The following NFIC variants were observed in gnomAD, a reference collection of about 807,000 sequenced individuals.
NFIC encodes the protein nuclear factor 1 C-type.
NFIC carries 12 observed loss-of-function variants against 54.4 expected under a neutral mutation model. That is an observed-to-expected ratio of 0.22 (90% CI 0.14 to 0.36). NFIC has a LOEUF of 0.36. NFIC is among the 10% of genes least tolerant of loss of function. The probability of loss-of-function intolerance (pLI) is 1.00; values close to 1 mark genes in which losing one functional copy is unlikely to be tolerated. For synonymous variants in NFIC, 322 were observed against 319.2 expected (o/e 1.01, Z -0.09); for missense variants, 575 against 718.2 (o/e 0.80, Z 2.28).
At chr19:3,363,802 T>G (rs974091080), upstream of NFIC, among the ~76,000 whole-genome samples, 1 of 152,176 alleles carries the variant, frequency 6.6e-6, no homozygotes, top group Non-Finnish European at 1.5e-5. Context: ...GCCCCTGGCA[T>G]GGAGTGGGTG....
intron 10 of NFIC, among the ~76,000 whole-genome samples, chr19:3,461,812 T>C (rs1243673475): frequency 1.3e-5 from 2 of 152,070 alleles, no homozygotes; most frequent in African/African-American, 4.8e-5. Context: ...TCCCAGCACT[T>C]TGGGAGGCCG....
chr19:3,445,116 C>T (rs1229352941), intron 6 of NFIC, among the ~76,000 whole-genome samples: 1 of 152,088 alleles, frequency 6.6e-6, no homozygotes. Context: ...CACACACATG[C>T]ACAGACATGC....
At chr19:3,431,700 C>T (rs144379893) in intron 3 of NFIC, among the ~76,000 whole-genome samples, 20 of 152,108 alleles carry the variant, frequency 1.3e-4, no homozygotes, top group African/African-American at 3.9e-4. Context: ...CACAGGGTTT[C>T]GCCATGTTGC....
At chr19:3,395,616 C>A (rs899161161) in intron 2 of NFIC, among the ~76,000 whole-genome samples, 1 of 151,840 alleles carries the variant, frequency 6.6e-6, no homozygotes, top group African/African-American at 2.4e-5. Context: ...CCTGCTTCAG[C>A]CTCCCAGGTA....
At position 3,463,954 on chromosome 19, in the gene NFIC, C is replaced by T. The variant is rs1006824548; in HGVS notation, c.*1185C>T. 1.9e-5 allele frequency: 19 copies of T among 984,878 alleles called. No homozygotes were observed. Among genetic ancestry groups the T allele is most frequent in the African/African-American group, 1.6e-4 (9 of 57,092 alleles). 61.0% of individuals were successfully genotyped at this position (984,878 alleles called of 1,614,324 possible). On this transcript the variant is annotated 3_prime_UTR_variant, in exon 11 of 11. Transcript: ENST00000443272. ...AGCCCCTCCAGTCAACCCTCATCGC[C>T]GTGCCCCCCCAGAGCTAGAGAGATG...
intron 6 of NFIC, among the ~76,000 whole-genome samples, chr19:3,439,498 C>T (rs904282655): frequency 2.9e-4 from 44 of 149,834 alleles, no homozygotes; most frequent in Non-Finnish European, 4.9e-4. Flanking sequence ...CAAAATTAGC[C>T]GGGTGTGGTG....
chr19:3,363,831 C>T (rs1227041422), upstream of NFIC, among the ~76,000 whole-genome samples: 1 of 152,230 alleles, frequency 6.6e-6, no homozygotes, highest in Non-Finnish European at 1.5e-5. Context: ...GGACTCTGCT[C>T]AGCACCCTGC....
chr19:3,442,936 C>T (rs1022092152), intron 6 of NFIC, among the ~76,000 whole-genome samples: 10 of 152,248 alleles, frequency 6.6e-5, no homozygotes, highest in East Asian at 1.9e-4. Flanking sequence ...TCACCCAGGG[C>T]GATGCTGCCC....
upstream of NFIC, among the ~76,000 whole-genome samples, chr19:3,363,258 TATATA>T (rs1568391835): frequency 7.7e-5 from 6 of 77,538 alleles, no homozygotes; most frequent in South Asian, 4.6e-4. Flanking sequence ...TATATATATA[TATATA>T]TATATATTTT....
rs559987937 is a variant in NFIC at position 3,376,978 on chromosome 19, C to A, written c.31-4734C>A. On this transcript the variant is annotated intron_variant, in intron 1 of 10. Coordinates refer to ENST00000443272, the MANE Select transcript of NFIC (RefSeq NM_001245002.2). ...CTCCTGACCTCAGATGATCCACCCA[C>A]CTCGGCCTCCCAAAGTGCTGGGATT... 2.4e-3 allele frequency among the ~76,000 whole-genome samples: 368 copies of A among 151,840 alleles called. 1 individual carries two copies. The highest frequency in any genetic ancestry group is 4.2e-3 in the Non-Finnish European group (286 of 67,948).
intron 10 of NFIC, among the ~76,000 whole-genome samples, chr19:3,457,545 G>T (rs540253348): frequency 6.6e-6 from 1 of 152,168 alleles, no homozygotes; most frequent in African/African-American, 2.4e-5. Context: ...CTCTCTCCCC[G>T]GTTTGTGTTG....
rs898287819 is a variant in NFIC, at chr19:3,459,720, G to A, written c.1510-3032G>A. 1.3e-5 allele frequency among the ~76,000 whole-genome samples: 2 copies of A among 152,226 alleles called. No individual in the cohort carries two copies. Among genetic ancestry groups the A allele is most frequent in the African/African-American group, 4.8e-5 (2 of 41,460 alleles). ...GGGGAGGCTGGTCCACCACGGGGAG[G>A]GTCACGCCCAGAGTCTGTCGGTTGC... On this transcript the variant is annotated intron_variant, in intron 10 of 10. Coordinates refer to ENST00000443272, the MANE Select transcript of NFIC (RefSeq NM_001245002.2). The surrounding 1 kb of genome is among the most constrained non-coding windows in gnomAD (Gnocchi z 4.2).
chr19:3,410,949 TA>T (rs1341316588), intron 2 of NFIC: 1 of 152,232 alleles, frequency 6.6e-6, no homozygotes, highest in African/African-American at 2.4e-5. Flanking sequence ...CTTGTTTCCA[TA>T]AGATACCCCA....
intron 1 of NFIC, among the ~76,000 whole-genome samples, chr19:3,371,782 G>A (rs1220638618): frequency 6.6e-6 from 1 of 152,006 alleles, no homozygotes. Context: ...CTTTGGGCTG[G>A]GTGACAAGGA....
chr19:3,420,588 A>AAATAAATAAATAAAT (rs1568437359), intron 2 of NFIC, among the ~76,000 whole-genome samples: 9 of 51,348 alleles, frequency 1.8e-4, no homozygotes, highest in South Asian at 6.3e-4. Flanking sequence ...AATAAATAAA[A>AAATAAATAAATAAAT]GATACAAAAT....
At chr19:3,451,175 T>C (rs2145679919) in intron 7 of NFIC, among the ~76,000 whole-genome samples, 1 of 152,266 alleles carries the variant, frequency 6.6e-6, no homozygotes, top group East Asian at 1.9e-4. Flanking sequence ...GAGGACGTCA[T>C]GCTCAGTAAG....
chr19:3,437,299 C>T lies in NFIC; in HGVS notation c.958+2092C>T, dbSNP rs1407219028. Among the ~76,000 whole-genome samples the T allele has an allele frequency of 9.2e-5, 14 of 151,446 alleles. No individual in the cohort carries two copies. The East Asian group carries it at 1.8e-3, about 19-fold the overall frequency. ...AGGAGAATGGCATGAACCCGGGAGG[C>T]GGAGCTTGCAGTGAGCTGAGATGGC... is the stretch of plus-strand genomic sequence containing the variant. On this transcript the variant is annotated intron_variant, in intron 6 of 10. Transcript: ENST00000443272.
intron 2 of NFIC, among the ~76,000 whole-genome samples, chr19:3,407,878 GGA>G (rs1041568570): frequency 1.3e-5 from 2 of 152,180 alleles, no homozygotes; most frequent in African/African-American, 4.8e-5. Context: ...TTCCTAGGAG[GGA>G]GAGGGGCAGG....
intron 2 of NFIC, among the ~76,000 whole-genome samples, chr19:3,396,403 C>T (rs772387905): frequency 4.1e-5 from 6 of 146,180 alleles, no homozygotes; most frequent in Non-Finnish European, 7.4e-5. Flanking sequence ...ACCTGGGAGG[C>T]GGAGCTTGCA....
Sources: gnomAD v4.1 joint callset for allele counts (sites outside exome capture counted in the v4.1 genomes callset) on GRCh38, gnomAD v4.1.1 for gene constraint, Gnocchi (gnomAD v3.1) non-coding constraint, MANE v1.5 for transcripts, NCBI Gene and HGNC (gene_info 2026-07-23, HGNC 2026-07-21) for gene names.